CEP63: variants seen among roughly 807,000 people sequenced by gnomAD.
The protein encoded by CEP63 is centrosomal protein 63.
CEP63 carries 84 observed loss-of-function variants against 89.1 expected under a neutral mutation model. That is an observed-to-expected ratio of 0.94 (90% CI 0.79 to 1.13). The LOEUF is 1.13. Among genes scored for constraint, CEP63 ranks in the 50% most tolerant of loss-of-function variants. The pLI, the probability that CEP63 is intolerant of heterozygous loss-of-function variation, is 0.00. For missense variants in CEP63, 838 were observed against 813.3 expected, an observed-to-expected ratio of 1.03 and a Z score of -0.37; for synonymous variants, 267 against 272.5, an observed-to-expected ratio of 0.98 and a Z score of 0.20.
chr3:134,643,591 C>A, the CEP63 span, among the ~76,000 whole-genome samples: 5 of 152,248 alleles, frequency 3.3e-5, no homozygotes, highest in African/African-American at 9.6e-5. Context: ...TGTGCACACA[C>A]CCCTTGTGCC....
chr3:134,636,564 C>A, the CEP63 span, among the ~76,000 whole-genome samples: 3 of 152,182 alleles, frequency 2.0e-5, no homozygotes, highest in African/African-American at 7.2e-5. Context: ...GAGGCTATCC[C>A]AGACCAGCTG....
the CEP63 span, among the ~76,000 whole-genome samples, chr3:134,617,132 C>T: frequency 0.018 from 2,675 of 152,308 alleles, 79 homozygotes; most frequent in African/African-American, 0.06. Context: ...GTCTTTCTAG[C>T]TTCAAATCTG....
chr3:134,671,865 T>G, the CEP63 span, among the ~76,000 whole-genome samples: 1 of 152,162 alleles, frequency 6.6e-6, no homozygotes, highest in Admixed American at 6.5e-5. Context: ...CCAACTGAGC[T>G]GTTTTCTCAT....
chr3:134,544,332 G>A (rs1195992810), intron 6 of CEP63, among the ~76,000 whole-genome samples: 17 of 152,128 alleles, frequency 1.1e-4, no homozygotes, highest in African/African-American at 2.4e-5. Context: ...AAACTAAAAA[G>A]TTTGGAGCTA....
the CEP63 span, chr3:134,603,224 G>T: frequency 5.3e-6 from 1 of 188,664 alleles, no homozygotes; most frequent in Non-Finnish European, 1.1e-5. Flanking sequence ...CTGTCAACCT[G>T]GGCAATATCC....
chr3:134,723,634 A>G, the CEP63 span, among the ~76,000 whole-genome samples: 1 of 152,240 alleles, frequency 6.6e-6, no homozygotes, highest in Non-Finnish European at 1.5e-5. Context: ...AGAAGGAGCG[A>G]TGGAACCACC....
chr3:134,578,336 T>G (rs1385938696), downstream of CEP63, among the ~76,000 whole-genome samples: 3 of 136,786 alleles, frequency 2.2e-5, no homozygotes, highest in African/African-American at 2.8e-5. Context: ...TTTTTTTTTT[T>G]TTTTTTTTTT....
the CEP63 span, among the ~76,000 whole-genome samples, chr3:134,748,531 C>A: frequency 6.6e-6 from 1 of 152,040 alleles, no homozygotes; most frequent in Non-Finnish European, 1.5e-5. Flanking sequence ...TGAATGCCGC[C>A]CAGAAGACAT....
intron 2 of CEP63, among the ~76,000 whole-genome samples, chr3:134,506,353 G>T (rs1051304724): frequency 5.3e-5 from 8 of 152,124 alleles, no homozygotes; most frequent in Admixed American, 3.9e-4. Context: ...TCTTACAATT[G>T]TATTATCACT....
the CEP63 span, among the ~76,000 whole-genome samples, chr3:134,725,463 C>T: frequency 2.6e-3 from 392 of 152,286 alleles, 2 homozygotes; most frequent in African/African-American, 8.7e-3. Flanking sequence ...ACCGAAGGGG[C>T]AGGGCCACCC....
the CEP63 span, among the ~76,000 whole-genome samples, chr3:134,611,209 C>T: frequency 1.3e-5 from 2 of 152,220 alleles, no homozygotes; most frequent in African/African-American, 4.8e-5. Context: ...TGACATTGTG[C>T]TCCTTCACTG....
the CEP63 span, among the ~76,000 whole-genome samples, chr3:134,746,740 G>A: frequency 6.6e-6 from 1 of 152,182 alleles, no homozygotes; most frequent in African/African-American, 2.4e-5. Context: ...AGAAGTATCT[G>A]TTCATATCCT....
At chr3:134,487,078 A>G (rs1498718) in intron 1 of CEP63, among the ~76,000 whole-genome samples, 96,479 of 152,082 alleles carry the variant, frequency 0.63, 31,342 homozygotes, top group East Asian at 0.81. Context: ...GGTTAAACTT[A>G]TTAAAAGAAT....
the CEP63 span, among the ~76,000 whole-genome samples, chr3:134,618,365 T>C: frequency 3.9e-5 from 6 of 152,120 alleles, no homozygotes; most frequent in Non-Finnish European, 7.4e-5. Context: ...TCTGGGTGCC[T>C]AAGAAGACTC....
chr3:134,621,801 A>G, the CEP63 span, among the ~76,000 whole-genome samples: 1 of 152,218 alleles, frequency 6.6e-6, no homozygotes, highest in African/African-American at 2.4e-5. Context: ...GAGAGAAAAC[A>G]TTGCAAATCA....
exon 11 of CEP63, among the ~76,000 whole-genome samples, chr3:134,587,682 C>G (rs1231828687): frequency 6.6e-6 from 1 of 152,142 alleles, no homozygotes; most frequent in Non-Finnish European, 1.5e-5. Flanking sequence ...GGCAGTCTGT[C>G]TGTTCTCAGA....
At chr3:134,706,391 A>C in the CEP63 span, among the ~76,000 whole-genome samples, 17 of 152,308 alleles carry the variant, frequency 1.1e-4, no homozygotes, top group African/African-American at 3.8e-4. Flanking sequence ...CCTCTCCTAC[A>C]AAATGGGTAT....
the CEP63 span, among the ~76,000 whole-genome samples, chr3:134,707,720 T>C: frequency 0.55 from 81,249 of 148,316 alleles, 24,704 homozygotes; most frequent in East Asian, 0.77. Flanking sequence ...AAGATGTATT[T>C]GTGCACTTTG....
chr3:134,672,512 T>A, the CEP63 span, among the ~76,000 whole-genome samples: 10 of 152,348 alleles, frequency 6.6e-5, no homozygotes, highest in East Asian at 5.8e-4. Flanking sequence ...TCTTCCTAAT[T>A]AGATATTCTG....
Sources: allele counts gnomAD v4.1 joint callset (sites outside exome capture counted in the v4.1 genomes callset), GRCh38; gene constraint gnomAD v4.1.1; transcripts MANE v1.5; gene names NCBI Gene and HGNC (gene_info 2026-07-23, HGNC 2026-07-21).